The following IL1RAPL2 variants were observed in gnomAD, a reference collection of about 807,000 sequenced individuals.
IL1RAPL2 encodes interleukin 1 receptor accessory protein like 2.
In IL1RAPL2, 3 loss-of-function variants were observed where a neutral mutation model predicts 44.1. The ratio of observed to expected loss-of-function variants is 0.07; its 90% CI spans 0.03 to 0.18. The LOEUF (loss-of-function observed/expected upper bound fraction) is 0.18, where lower values mean the gene tolerates loss of function less well. Ranked by LOEUF, IL1RAPL2 falls within the 10% of genes least tolerant of loss-of-function variation. IL1RAPL2 has a pLI of 1.00. For synonymous variants in IL1RAPL2, 181 were observed against 178.8 expected, an observed-to-expected ratio of 1.01 and a Z score of -0.10; for missense variants, 391 against 496.4, an observed-to-expected ratio of 0.79 and a Z score of 2.02.
At chrX:105,282,530 A>G (rs754245979) in intron 5 of IL1RAPL2, among the ~76,000 whole-genome samples, 1 of 111,836 alleles carries the variant, frequency 8.9e-6, no homozygotes, top group African/African-American at 3.2e-5. Flanking sequence ...CTGCAGGGAA[A>G]GAAGATTGGT....
In IL1RAPL2 at chrX:105,195,391, G is replaced by A. The variant is rs2033664727; in HGVS notation, c.83-84G>A. On this transcript the variant is annotated intron_variant, in intron 2 of 10. Transcript: ENST00000372582. ...TGAAGTAATCTATGTGGAGCACTTAGGACATGTTGGTGATGATTACTGCTC... is the reference window on the plus strand; with the variant it reads ...TGAAGTAATCTATGTGGAGCACTTAAGACATGTTGGTGATGATTACTGCTC... 7 of 901,790 alleles carry A rather than the reference G, an allele frequency of 7.8e-6. No homozygotes were observed. In the South Asian group the frequency reaches 1.5e-4, roughly 20 times the overall value. The allele number at this position is 901,790 out of a possible 1,213,427, so 74.3% of individuals were successfully genotyped here. A position where few individuals can be genotyped will look rare whatever the true frequency, so the allele number is the denominator to read the frequency against.
At chrX:105,368,422 A>G (rs1328050150) in intron 5 of IL1RAPL2, among the ~76,000 whole-genome samples, 1 of 111,745 alleles carries the variant, frequency 8.9e-6, no homozygotes, top group African/African-American at 3.2e-5. Flanking sequence ...GTCTCAGGTT[A>G]TAGCAACACT....
intron 6 of IL1RAPL2, among the ~76,000 whole-genome samples, chrX:105,502,384 G>T (rs2036401393): frequency 9.0e-6 from 1 of 111,562 alleles, no homozygotes; most frequent in African/African-American, 3.3e-5. Context: ...ACTTAATGAA[G>T]AGTGTTAATG....
At chrX:105,359,315 G>A (rs1355453926) in intron 5 of IL1RAPL2, among the ~76,000 whole-genome samples, 1 of 111,554 alleles carries the variant, frequency 9.0e-6, no homozygotes, top group Non-Finnish European at 1.9e-5. Flanking sequence ...GTGGGGAATG[G>A]TATGGGAAAG....
At chrX:105,132,690 T>C (rs1401858866) in intron 2 of IL1RAPL2, among the ~76,000 whole-genome samples, 1 of 111,397 alleles carries the variant, frequency 9.0e-6, no homozygotes, top group Admixed American at 9.6e-5. Flanking sequence ...AAAGTATTCT[T>C]GTTAGGGATG....
intron 2 of IL1RAPL2, among the ~76,000 whole-genome samples, chrX:105,051,258 A>C (rs1245416834): frequency 0.017 from 1 of 58 alleles, no homozygotes; most frequent in Non-Finnish European, 0.04. Flanking sequence ...GAGGCCAGGC[A>C]GCGGAGCAGA....
At chrX:104,899,312 A>T (rs947228251) in intron 2 of IL1RAPL2, among the ~76,000 whole-genome samples, 1 of 112,139 alleles carries the variant, frequency 8.9e-6, no homozygotes, top group African/African-American at 3.2e-5. Flanking sequence ...ATGTCTTTCT[A>T]TTGAGTGACA....
At chrX:105,467,453 AC>A (rs1324079028) in intron 5 of IL1RAPL2, among the ~76,000 whole-genome samples, 1 of 111,521 alleles carries the variant, frequency 9.0e-6, no homozygotes, top group African/African-American at 3.3e-5. Context: ...CTGAAAGAAT[AC>A]CATATTCCAA....
In IL1RAPL2 at chrX:104,797,199, C is replaced by G. The variant is rs1272816813; in HGVS notation, c.82+138204C>G. 7.7e-4 allele frequency among the ~76,000 whole-genome samples: 35 copies of G among 45,443 alleles called. 1 individual carries two copies. Among genetic ancestry groups the G allele is most frequent in the East Asian group, 2.7e-3 (3 of 1,098 alleles). The allele number at this position is 45,443 out of a possible 115,157, so 39.5% of individuals were successfully genotyped here. A position where few individuals can be genotyped will look rare whatever the true frequency, so the allele number is the denominator to read the frequency against. On this transcript the variant is annotated intron_variant, in intron 2 of 10. Transcript: ENST00000372582. Reference sequence around the variant, plus strand: ...TGATCTCTTCAGCCCCCCCCCCCCCCCCGCAAAGTAATGTTTGCTATGACA... The same window carrying G: ...TGATCTCTTCAGCCCCCCCCCCCCCGCCGCAAAGTAATGTTTGCTATGACA...
intron 2 of IL1RAPL2, among the ~76,000 whole-genome samples, chrX:104,785,508 T>A (rs745954374): frequency 8.9e-6 from 1 of 111,918 alleles, no homozygotes; most frequent in South Asian, 3.8e-4. Flanking sequence ...TCAAGTATTG[T>A]AAGATAGTTG....
intron 2 of IL1RAPL2, among the ~76,000 whole-genome samples, chrX:104,845,074 T>C (rs1922016639): frequency 8.9e-6 from 1 of 112,137 alleles, no homozygotes; most frequent in Admixed American, 9.5e-5. Flanking sequence ...AAAGCTACTG[T>C]TGCTTTGGGA....
At chrX:104,599,650 GCACACACA>G (rs35769134) in intron 1 of IL1RAPL2, among the ~76,000 whole-genome samples, 5,131 of 86,116 alleles carry the variant, frequency 0.06, 439 homozygotes, top group African/African-American at 0.2. Flanking sequence ...GATGGATTTA[GCACACACA>G]CACACACACA....
At position 104,884,919 on chromosome X, in the gene IL1RAPL2, A is replaced by C. The variant is rs1310643978; in HGVS notation, c.82+225924A>C. ...AAGAAATCTCCAAAGGACCACAAAA[A>C]CCCCCAGGCTATCGGTTATGTCCCC... On this transcript the variant is annotated intron_variant, in intron 2 of 10. Coordinates refer to ENST00000372582, the MANE Select transcript of IL1RAPL2 (RefSeq NM_017416.2). Among the ~76,000 whole-genome samples the C allele has an allele frequency of 7.3e-5, 8 of 109,656 alleles. No individual in the cohort carries two copies. In the Admixed American group the frequency reaches 7.9e-4, roughly 11 times the overall value.
chrX:105,703,163 G>A (rs2038134132), intron 6 of IL1RAPL2, among the ~76,000 whole-genome samples: 2 of 111,055 alleles, frequency 1.8e-5, no homozygotes, highest in Admixed American at 9.6e-5. Context: ...TCTTTGTTGT[G>A]GGGGATGTCC....
chrX:105,412,280 C>T (rs991625448), intron 5 of IL1RAPL2, among the ~76,000 whole-genome samples: 6 of 100,660 alleles, frequency 6.0e-5, no homozygotes, highest in Non-Finnish European at 8.1e-5. Context: ...ACATGTCCAA[C>T]GCAGATGAGT....
At chrX:105,030,034 G>A (rs189721518) in intron 2 of IL1RAPL2, among the ~76,000 whole-genome samples, 26 of 111,730 alleles carry the variant, frequency 2.3e-4, no homozygotes, top group Non-Finnish European at 4.3e-4. Flanking sequence ...GTGTTTTTTG[G>A]GGGCATAAAT....
intron 5 of IL1RAPL2, among the ~76,000 whole-genome samples, chrX:105,283,338 C>A (rs2034546605): frequency 9.0e-6 from 1 of 110,905 alleles, no homozygotes; most frequent in Admixed American, 9.7e-5. Flanking sequence ...TTGGGGATGG[C>A]CTACTTGAAC....
intron 6 of IL1RAPL2, among the ~76,000 whole-genome samples, chrX:105,503,275 G>A (rs1483413089): frequency 2.7e-5 from 3 of 111,256 alleles, no homozygotes; most frequent in East Asian, 2.8e-4. Context: ...TTAGCAGTCC[G>A]TAATGAAAGG....
intron 6 of IL1RAPL2, among the ~76,000 whole-genome samples, chrX:105,547,581 A>C (rs2036813498): frequency 8.9e-6 from 1 of 111,968 alleles, no homozygotes. Context: ...CACTCATGTG[A>C]CTGCAGTGAT....
Sources: gnomAD v4.1 joint callset for allele counts (sites outside exome capture counted in the v4.1 genomes callset) on GRCh38, gnomAD v4.1.1 for gene constraint, MANE v1.5 for transcripts, NCBI Gene and HGNC (gene_info 2026-07-23, HGNC 2026-07-21) for gene names.